The following DSCAM variants were observed in gnomAD, a reference collection of about 807,000 sequenced individuals.
The protein encoded by DSCAM is DS cell adhesion molecule.
Under a neutral mutation model 217.7 loss-of-function variants are expected in DSCAM, and 47 were observed. The observed-to-expected ratio is 0.22, with a 90% CI of 0.17 to 0.28. The LOEUF (loss-of-function observed/expected upper bound fraction) is 0.28, where lower values mean the gene tolerates loss of function less well. Among genes scored for constraint, DSCAM ranks in the 10% least tolerant of loss-of-function variants. DSCAM has a pLI of 1.00. For missense variants in DSCAM, 2,080 were observed against 2,618.3 expected (o/e 0.79, Z 4.49); for synonymous variants, 1,056 against 1,015.3 (o/e 1.04, Z -0.76).
At chr21:40,158,899 A>G (rs547146886) in intron 16 of DSCAM, among the ~76,000 whole-genome samples, 1 of 152,364 alleles carries the variant, frequency 6.6e-6, no homozygotes, top group African/African-American at 2.4e-5. Context: ...AGCATTTTTA[A>G]TACAATGAAG....
In DSCAM at chr21:40,338,329, G is replaced by A. The variant is rs749265033; in HGVS notation, c.1555C>T (p.Arg519Trp). ...PMKNITAIAG[R>W]DTYIHCRVIG... ...ACACGACAGTGAATGTATGTGTCCC[G>A]TCCTGCTATTGCTGTGATGTTTTTC... Residue 519 changes from arginine to tryptophan, a missense_variant, in exon 8 of 33, where the codon CGG becomes TGG. Arg to Trp is a moderately radical substitution (Grantham distance 101). Around this residue, in one of 5 missense-constraint regions of DSCAM, gnomAD observed 218 missense variants for 364.1 expected, o/e 0.60. Coordinates refer to ENST00000400454, the MANE Select transcript of DSCAM (RefSeq NM_001389.5). 1.9e-6 allele frequency: 3 copies of A among 1,614,178 alleles called. No homozygotes were observed. Among genetic ancestry groups the A allele is most frequent in the Middle Eastern group, 1.6e-4 (1 of 6,062 alleles).
chr21:40,648,572 T>G (rs1437873440), intron 3 of DSCAM, among the ~76,000 whole-genome samples: 1 of 152,194 alleles, frequency 6.6e-6, no homozygotes, highest in Non-Finnish European at 1.5e-5. Context: ...TTTGGTGCAC[T>G]TTTCTCTGAT....
chr21:40,559,869 T>C (rs1006939663), intron 3 of DSCAM, among the ~76,000 whole-genome samples: 1 of 147,422 alleles, frequency 6.8e-6, no homozygotes, highest in African/African-American at 2.5e-5. Flanking sequence ...CTCGGCTCAC[T>C]GCAAGCTCCG....
chr21:40,619,138 T>C lies in DSCAM; in HGVS notation c.508+73672A>G, dbSNP rs561590196. Among the ~76,000 whole-genome samples the C allele has an allele frequency of 4.6e-5, 7 of 152,070 alleles. No homozygotes were observed. The East Asian group carries it at 1.4e-3, about 29-fold the overall frequency. ...ACACATTTAAAAAAAGTAGAGTAAA[T>C]AGCATCTCATGAAGTGGGGTTAATA... On this transcript the variant is annotated intron_variant, in intron 3 of 32. Coordinates refer to ENST00000400454, the MANE Select transcript of DSCAM (RefSeq NM_001389.5).
intron 1 of DSCAM, among the ~76,000 whole-genome samples, chr21:40,841,113 G>C (rs1197401222): frequency 6.6e-6 from 1 of 152,146 alleles, no homozygotes; most frequent in African/African-American, 2.4e-5. Flanking sequence ...CAAGGAAACA[G>C]CCAAGATTTT....
At chr21:40,788,150 T>C (rs752065656) in intron 1 of DSCAM, among the ~76,000 whole-genome samples, 6 of 152,206 alleles carry the variant, frequency 3.9e-5, no homozygotes, top group Non-Finnish European at 8.8e-5. Flanking sequence ...TGCATTTAGT[T>C]CTGAAATGAA....
intron 16 of DSCAM, among the ~76,000 whole-genome samples, chr21:40,145,901 T>C (rs1236681977): frequency 6.6e-6 from 1 of 150,946 alleles, no homozygotes; most frequent in East Asian, 1.9e-4. Flanking sequence ...GGAATAAAGG[T>C]TTTGTAGACT....
intron 11 of DSCAM, among the ~76,000 whole-genome samples, chr21:40,219,759 T>C (rs1261833845): frequency 3.3e-5 from 5 of 152,238 alleles, no homozygotes; most frequent in African/African-American, 1.2e-4. Context: ...ATATGTTTAT[T>C]AATAAAACCA....
At chr21:40,299,716 A>G (rs1267714304) in intron 9 of DSCAM, among the ~76,000 whole-genome samples, 1 of 152,080 alleles carries the variant, frequency 6.6e-6, no homozygotes, top group East Asian at 1.9e-4. Context: ...ACATGTAACT[A>G]ATGACATCAT....
rs149839230 is a variant in DSCAM, at chr21:40,615,991, A to AAC, written c.508+76817_508+76818dup. ...ATGATAACGTTTTGAAATCAAATCA[A>AAC]ACACACACACACACACATGCATACA... On this transcript the variant is annotated intron_variant, in intron 3 of 32. Transcript: ENST00000400454. Among the ~76,000 whole-genome samples, 476 of 151,154 alleles carry AAC rather than the reference A, an allele frequency of 3.1e-3. 10 individuals carry two copies. The East Asian group carries it at 0.052, about 17-fold the overall frequency.
At chr21:40,017,285 ATTTC>A (rs1177307536) in intron 32 of DSCAM, among the ~76,000 whole-genome samples, 1 of 152,068 alleles carries the variant, frequency 6.6e-6, no homozygotes, top group Non-Finnish European at 1.5e-5. Flanking sequence ...GCAGCAAATG[ATTTC>A]TTTGTCATTG....
chr21:40,581,703 C>T (rs1365258400), intron 3 of DSCAM, among the ~76,000 whole-genome samples: 1 of 152,146 alleles, frequency 6.6e-6, no homozygotes, highest in Non-Finnish European at 1.5e-5. Flanking sequence ...TAGGTGGGCA[C>T]ATTTGCTACC....
chr21:40,304,853 G>A (rs2074054529), intron 9 of DSCAM, among the ~76,000 whole-genome samples: 2 of 152,052 alleles, frequency 1.3e-5, no homozygotes, highest in African/African-American at 4.8e-5. Flanking sequence ...CATCTCATAT[G>A]GCTACTGAAC....
At chr21:40,169,136 T>G (rs1417511256) in intron 15 of DSCAM, among the ~76,000 whole-genome samples, 1 of 151,412 alleles carries the variant, frequency 6.6e-6, no homozygotes, top group Non-Finnish European at 1.5e-5. Context: ...ATGGAGTGAG[T>G]GGGGCAAAGG....
chr21:40,204,359 G>C (rs2091101773), intron 11 of DSCAM, among the ~76,000 whole-genome samples: 1 of 152,214 alleles, frequency 6.6e-6, no homozygotes. Context: ...TGGAAGACTA[G>C]AGGGCAATGG....
At chr21:40,745,373 G>C (rs966306947) in intron 1 of DSCAM, among the ~76,000 whole-genome samples, 1 of 152,056 alleles carries the variant, frequency 6.6e-6, no homozygotes, top group African/African-American at 2.4e-5. Context: ...TTATCAAAAA[G>C]CAAAGATAAA....
chr21:40,097,282 A>C (rs1287885022), intron 20 of DSCAM, among the ~76,000 whole-genome samples: 1 of 152,202 alleles, frequency 6.6e-6, no homozygotes, highest in Admixed American at 6.5e-5. Flanking sequence ...TATGATTGTA[A>C]GTTTCTTATA....
At chr21:40,228,679 A>C (rs2091355641) in intron 11 of DSCAM, among the ~76,000 whole-genome samples, 1 of 142,104 alleles carries the variant, frequency 7.0e-6, no homozygotes. Context: ...TTTATTTTCT[A>C]ACTCTACAAG....
chr21:40,765,909 CGAG>C (rs1477738202), intron 1 of DSCAM, among the ~76,000 whole-genome samples: 1 of 152,152 alleles, frequency 6.6e-6, no homozygotes, highest in African/African-American at 2.4e-5. Flanking sequence ...TGCAGGAGAA[CGAG>C]GAGCTGACCT....
Sources: gnomAD v4.1 joint callset for allele counts (sites outside exome capture counted in the v4.1 genomes callset) on GRCh38, gnomAD v4.1.1 for gene constraint, gnomAD v4.1.1 regional missense constraint, MANE v1.5 for transcripts, NCBI Gene and HGNC (gene_info 2026-07-23, HGNC 2026-07-21) for gene names.